The following SFSWAP variants were observed in gnomAD, a reference collection of about 807,000 sequenced individuals.
SFSWAP encodes splicing factor SWAP, also known as splicing factor, suppressor of white-apricot homolog.
In SFSWAP, 17 loss-of-function variants were observed where a neutral mutation model predicts 100.7. The observed-to-expected ratio is 0.17, with a 90% CI of 0.12 to 0.25. The LOEUF is 0.25. SFSWAP is among the 10% of genes least tolerant of loss of function. The pLI is 1.00. For missense variants in SFSWAP, 1,005 were observed against 1,262.6 expected, an observed-to-expected ratio of 0.80 and a Z score of 3.09; for synonymous variants, 504 against 510.1, an observed-to-expected ratio of 0.99 and a Z score of 0.16.
At chr12:131,750,553 G>A (rs73479663) in intron 7 of SFSWAP, among the ~76,000 whole-genome samples, 2,325 of 152,340 alleles carry the variant, frequency 0.015, 64 homozygotes, top group African/African-American at 0.053. Flanking sequence ...TGGGTCAAGG[G>A]TGTGCCCAGA....
At chr12:131,763,547 C>T (rs1299162514) in intron 11 of SFSWAP, among the ~76,000 whole-genome samples, 1 of 152,068 alleles carries the variant, frequency 6.6e-6, no homozygotes, top group African/African-American at 2.4e-5. Context: ...TAAATTTAAG[C>T]CTTCTGGATA....
chr12:131,721,779 G>A (rs1463876675), intron 4 of SFSWAP, among the ~76,000 whole-genome samples: 1 of 152,152 alleles, frequency 6.6e-6, no homozygotes, highest in Non-Finnish European at 1.5e-5. Context: ...GTCTTAGTGT[G>A]TAGCAACTTG....
At chr12:131,743,593 G>A (rs1209245706) in intron 7 of SFSWAP, among the ~76,000 whole-genome samples, 2 of 152,208 alleles carry the variant, frequency 1.3e-5, no homozygotes, top group Non-Finnish European at 2.9e-5. Context: ...CCTCCCTCCC[G>A]GCTGCTTTCA....
At chr12:131,758,873 C>T (rs1322625007) in intron 11 of SFSWAP, among the ~76,000 whole-genome samples, 1 of 152,082 alleles carries the variant, frequency 6.6e-6, no homozygotes, top group Admixed American at 6.5e-5. Flanking sequence ...TCACTTAAGC[C>T]GGGGAGATAG....
chr12:131,790,451 A>G (rs1885164495), intron 15 of SFSWAP, among the ~76,000 whole-genome samples: 1 of 152,234 alleles, frequency 6.6e-6, no homozygotes, highest in South Asian at 2.1e-4. Flanking sequence ...AAAATTTGGT[A>G]CAGTGTGGAA....
rs537500456 is a variant in SFSWAP at position 131,775,295 on chromosome 12, G to A, written c.2143-2770G>A. Among the ~76,000 whole-genome samples, 5 of 152,150 alleles carry A rather than the reference G, an allele frequency of 3.3e-5. No individual in the cohort carries two copies. The South Asian group carries it at 1.0e-3, about 32-fold the overall frequency. ...TGTGTCTCAGCTCTCCTTCTCTTCA[G>A]CTCTCTCTTTGTTTTCCTGGGGAAA... On this transcript the variant is annotated intron_variant, in intron 13 of 17. Coordinates refer to ENST00000261674, the MANE Select transcript of SFSWAP (RefSeq NM_004592.4).
chr12:131,741,580 A>G (rs551325767), intron 7 of SFSWAP, among the ~76,000 whole-genome samples: 2 of 150,956 alleles, frequency 1.3e-5, no homozygotes, highest in South Asian at 2.1e-4. Context: ...GAGGAGTTCC[A>G]TGCTGCAGGG....
At chr12:131,783,171 A>G (rs1312470975) in intron 14 of SFSWAP, among the ~76,000 whole-genome samples, 1 of 143,972 alleles carries the variant, frequency 6.9e-6, no homozygotes, top group South Asian at 2.2e-4. Context: ...ATAGAGCAAG[A>G]CTCCGTCTAA....
intron 16 of SFSWAP, among the ~76,000 whole-genome samples, chr12:131,797,860 G>A (rs1047727926): frequency 2.0e-5 from 3 of 152,238 alleles, no homozygotes; most frequent in Non-Finnish European, 2.9e-5. Flanking sequence ...GACACCCTCC[G>A]CTGCCCAGGC....
At chr12:131,768,903 C>A (rs1353963084) in intron 13 of SFSWAP, among the ~76,000 whole-genome samples, 1 of 152,082 alleles carries the variant, frequency 6.6e-6, no homozygotes, top group African/African-American at 2.4e-5. Flanking sequence ...GCGGGTGGAT[C>A]GCTTGAGGCC....
At chr12:131,783,298 T>C (rs1346882007) in intron 14 of SFSWAP, among the ~76,000 whole-genome samples, 1 of 152,226 alleles carries the variant, frequency 6.6e-6, no homozygotes, top group Non-Finnish European at 1.5e-5. Context: ...ATGTAGTTCA[T>C]TTACAACCTG....
At chr12:131,777,698 A>G (rs1433200047) in intron 13 of SFSWAP, among the ~76,000 whole-genome samples, 1 of 152,216 alleles carries the variant, frequency 6.6e-6, no homozygotes, top group Non-Finnish European at 1.5e-5. Flanking sequence ...TTCTGGTTCT[A>G]GATCCCTGAG....
intron 13 of SFSWAP, among the ~76,000 whole-genome samples, chr12:131,774,993 A>G (rs1338270581): frequency 6.6e-6 from 1 of 152,016 alleles, no homozygotes; most frequent in Admixed American, 6.5e-5. Flanking sequence ...TCAGCTGGAG[A>G]GTTGACTCCT....
chr12:131,783,178 C>CT (rs1021252378), intron 14 of SFSWAP, among the ~76,000 whole-genome samples: 3 of 109,290 alleles, frequency 2.7e-5, no homozygotes, highest in African/African-American at 9.5e-5. Context: ...AAGACTCCGT[C>CT]TAAAAAAAAA....
Position 131,797,378 on chromosome 12 carries a change from G to T in SFSWAP, c.2717+18G>T. On this transcript the variant is annotated intron_variant, in intron 16 of 17. Coordinates refer to ENST00000261674, the MANE Select transcript of SFSWAP (RefSeq NM_004592.4). ...CGCTCCAGGTAACCCCTGTCCTCCAGCAGCTCTCTCTGGGGAAAGGCAAGG... is the reference window on the plus strand; with the variant it reads ...CGCTCCAGGTAACCCCTGTCCTCCATCAGCTCTCTCTGGGGAAAGGCAAGG... 6.3e-7 allele frequency: 1 copy of T among 1,593,170 alleles called. No homozygotes were observed. The highest frequency in any genetic ancestry group is 1.8e-5 in the Admixed American group (1 of 56,850).
rs1442305579 is a variant in SFSWAP at position 131,756,415 on chromosome 12, T to C, written c.1549-58T>C. 2.0e-6 allele frequency: 3 copies of C among 1,526,914 alleles called. No individual in the cohort carries two copies. The East Asian group carries it at 6.7e-5, about 34-fold the overall frequency. 94.6% of individuals were successfully genotyped at this position (1,526,914 alleles called of 1,614,324 possible). ...AACATATACCGTATACATCTCTCTT[T>C]TTTTAAAATTTCTGTATAATTTCCT... On this transcript the variant is annotated intron_variant, in intron 10 of 17. Transcript: ENST00000261674.
intron 7 of SFSWAP, among the ~76,000 whole-genome samples, chr12:131,732,757 G>T (rs1879630221): frequency 6.6e-6 from 1 of 152,228 alleles, no homozygotes; most frequent in Non-Finnish European, 1.5e-5. Flanking sequence ...GCTTTCTACA[G>T]AGAAGGCACA....
chr12:131,779,508 C>G, intron 14 of SFSWAP, among the ~76,000 whole-genome samples: 1 of 152,102 alleles, frequency 6.6e-6, no homozygotes, highest in Middle Eastern at 3.4e-3. Flanking sequence ...AGTGGCTGAC[C>G]TACAGGAGGT....
At position 131,792,224 on chromosome 12, in the gene SFSWAP, CTG is replaced by C. The variant is rs1316879209; in HGVS notation, c.2535-4947_2535-4946del. Among the ~76,000 whole-genome samples the C allele has an allele frequency of 3.3e-5, 5 of 150,820 alleles. 1 individual carries two copies. Among genetic ancestry groups the C allele is most frequent in the South Asian group, 4.2e-4 (2 of 4,770 alleles). On this transcript the variant is annotated intron_variant, in intron 15 of 17. Coordinates refer to ENST00000261674, the MANE Select transcript of SFSWAP (RefSeq NM_004592.4). ...GCCCGTGTGTGTTCACGGATCATTA[CTG>C]TGTGTGCGCCCGTGTGTGTTCACAG...
Sources: gnomAD v4.1 joint callset for allele counts (sites outside exome capture counted in the v4.1 genomes callset) on GRCh38, gnomAD v4.1.1 for gene constraint, MANE v1.5 for transcripts, NCBI Gene and HGNC (gene_info 2026-07-23, HGNC 2026-07-21) for gene names.